Variants in BHMT observed in about 807,000 individuals in gnomAD.
BHMT encodes betaine--homocysteine S-methyltransferase.
Under a neutral mutation model 49.5 loss-of-function variants are expected in BHMT, and 38 were observed. The ratio of observed to expected loss-of-function variants is 0.77; its 90% CI spans 0.59 to 1.01. BHMT has a LOEUF of 1.01. BHMT is among the 50% of genes least tolerant of loss of function. BHMT has a pLI of 0.00. For missense variants in BHMT, 426 were observed against 495.7 expected (o/e 0.86, Z 1.34); for synonymous variants, 166 against 176.3 (o/e 0.94, Z 0.46).
At chr5:79,126,523 C>T (rs1756556244) in intron 6 of BHMT, among the ~76,000 whole-genome samples, 1 of 152,046 alleles carries the variant, frequency 6.6e-6, no homozygotes, top group African/African-American at 2.4e-5. Flanking sequence ...GGTGAGGATG[C>T]CCTTCATGGG....
chr5:79,112,525 G>C (rs1334756153), intron 1 of BHMT, among the ~76,000 whole-genome samples: 3 of 152,210 alleles, frequency 2.0e-5, no homozygotes, highest in African/African-American at 7.2e-5. Flanking sequence ...CCGGGTTCTC[G>C]CTGCACCCAA....
intron 5 of BHMT, among the ~76,000 whole-genome samples, chr5:79,122,231 G>T (rs1295405365): frequency 6.6e-6 from 1 of 152,084 alleles, no homozygotes; most frequent in Non-Finnish European, 1.5e-5. Flanking sequence ...GTGAGCCATT[G>T]CGCCCGGCCT....
intron 4 of BHMT, 51 bp from the exon 5 acceptor site, chr5:79,121,165 AAT>A: frequency 1.3e-6 from 2 of 1,579,704 alleles, no homozygotes; most frequent in South Asian, 1.2e-5. Flanking sequence ...AAAAAAAAAA[AAT>A]TGTTTTGGGA....
rs554339719 is a variant in BHMT at position 79,128,022 on chromosome 5, T to C, written c.1037+39T>C. 8 of 1,568,552 alleles carry C rather than the reference T, an allele frequency of 5.1e-6. No homozygotes were observed. The African/African-American group carries it at 6.8e-5, about 13-fold the overall frequency. The stretch of plus-strand genomic sequence containing the variant: ...TACTAACCCAAACTAATTTAGATTA[T>C]GAATATGTTCAAGTGAGGCCATTTA... On this transcript the variant is annotated intron_variant, in intron 7 of 7. Coordinates refer to ENST00000274353, the MANE Select transcript of BHMT (RefSeq NM_001713.3).
chr5:79,128,529 T>TAAAAA (rs67257787), intron 7 of BHMT, among the ~76,000 whole-genome samples: 29 of 140,134 alleles, frequency 2.1e-4, no homozygotes, highest in South Asian at 6.7e-4. Flanking sequence ...GACCCTGTTT[T>TAAAAA]AAAAAAAAAA....
rs1756380305 is a variant in BHMT at position 79,115,911 on chromosome 5, G to A, written c.166+12G>A. 1 of 1,606,470 alleles carries A rather than the reference G, an allele frequency of 6.2e-7. No homozygotes were observed. The highest frequency in any genetic ancestry group is 1.3e-5 in the African/African-American group (1 of 74,580). ...GCACCCAGAAGCAGGTTGGTGCAGA[G>A]CTCTATTGTAAGTTCTCATAAAGGA... On this transcript the variant is annotated intron_variant, in intron 2 of 7. Transcript: ENST00000274353.
At chr5:79,130,147 C>G (rs1378149286) in intron 7 of BHMT, among the ~76,000 whole-genome samples, 1 of 151,770 alleles carries the variant, frequency 6.6e-6, no homozygotes, top group Non-Finnish European at 1.5e-5. Context: ...GCACTCCAGA[C>G]AGGGTGACAG....
chr5:79,112,756 G>A (rs1580266769), intron 1 of BHMT, among the ~76,000 whole-genome samples: 1 of 152,210 alleles, frequency 6.6e-6, no homozygotes, highest in Admixed American at 6.5e-5. Flanking sequence ...GTGGCTTGTT[G>A]GGAGGGGTAT....
intron 7 of BHMT, among the ~76,000 whole-genome samples, chr5:79,129,139 A>T (rs1756598535): frequency 6.6e-6 from 1 of 152,232 alleles, no homozygotes; most frequent in East Asian, 1.9e-4. Context: ...AACAGAGCAC[A>T]GCTATCTGTC....
chr5:79,120,273 G>C, intron 3 of BHMT, 77 bp from the exon 4 acceptor site: 1 of 1,306,982 alleles, frequency 7.7e-7, no homozygotes, highest in Non-Finnish European at 1.0e-6. Flanking sequence ...ATACAACTAA[G>C]ATGTGAATGT....
intron 7 of BHMT, among the ~76,000 whole-genome samples, chr5:79,128,990 A>G (rs1756596298): frequency 6.6e-6 from 1 of 152,246 alleles, no homozygotes; most frequent in Non-Finnish European, 1.5e-5. Context: ...TCTGCCTAAC[A>G]GAAAGATATT....
chr5:79,113,768 A>T (rs1756343236), intron 1 of BHMT, among the ~76,000 whole-genome samples: 1 of 152,208 alleles, frequency 6.6e-6, no homozygotes, highest in Non-Finnish European at 1.5e-5. Context: ...GCTTGGGAAC[A>T]GAAAATCCTG....
At chr5:79,121,527 A>T (rs543955066) in intron 5 of BHMT, among the ~76,000 whole-genome samples, 162 bp downstream of exon 5, 2 of 152,108 alleles carry the variant, frequency 1.3e-5, no homozygotes, top group South Asian at 2.1e-4. Flanking sequence ...GAAAAGTTTT[A>T]AAAATGGCTG....
At chr5:79,121,936 T>A (rs919732390) in intron 5 of BHMT, among the ~76,000 whole-genome samples, 2 of 151,570 alleles carry the variant, frequency 1.3e-5, no homozygotes, top group Non-Finnish European at 2.9e-5. Context: ...TAAGCAGATA[T>A]CTTGTTTTGT....
intron 1 of BHMT, among the ~76,000 whole-genome samples, chr5:79,115,039 C>T (rs1323956415): frequency 2.0e-5 from 3 of 152,158 alleles, no homozygotes; most frequent in African/African-American, 7.2e-5. Flanking sequence ...TCCTTGTTCT[C>T]ATCATAGAGT....
chr5:79,121,977 T>A (rs1053772855), intron 5 of BHMT, among the ~76,000 whole-genome samples: 2 of 151,828 alleles, frequency 1.3e-5, no homozygotes, highest in South Asian at 2.1e-4. Flanking sequence ...CTTGTCACAC[T>A]GCAGCCCAGG....
At position 79,131,922 on chromosome 5, in the gene BHMT, T is replaced by C. The variant is rs1056013681; in HGVS notation, c.*806T>C. 2 of 152,110 alleles carry C rather than the reference T, an allele frequency of 1.3e-5. No homozygotes were observed. Among genetic ancestry groups the C allele is most frequent in the Admixed American group, 6.5e-5 (1 of 15,270 alleles). The allele number at this position is 152,110 out of a possible 1,614,324, so 9.4% of individuals were successfully genotyped here. On this transcript the variant is annotated 3_prime_UTR_variant, in exon 8 of 8. Coordinates refer to ENST00000274353, the MANE Select transcript of BHMT (RefSeq NM_001713.3). Reference sequence around the variant, plus strand: ...CCAATGGGGAGGAGGGGAGGAGAGATGGATATTTCAGCCCTCTCCATCCTA... The same window carrying C: ...CCAATGGGGAGGAGGGGAGGAGAGACGGATATTTCAGCCCTCTCCATCCTA...
chr5:79,122,045 G>A (rs1367927204), intron 5 of BHMT, among the ~76,000 whole-genome samples: 2 of 151,442 alleles, frequency 1.3e-5, no homozygotes, highest in East Asian at 2.0e-4. Flanking sequence ...AGGTTCAAGC[G>A]ATTCTCCTGC....
chr5:79,111,813 C>T lies in BHMT; in HGVS notation c.-73C>T. ...GGCAGGCTGCGGACTCGGAGCAGCTCGGGGCTGCGCAGCGGGAAGGCTCGC... is the reference window on the plus strand; with the variant it reads ...GGCAGGCTGCGGACTCGGAGCAGCTTGGGGCTGCGCAGCGGGAAGGCTCGC... On this transcript the variant is annotated 5_prime_UTR_variant, in exon 1 of 8. Transcript: ENST00000274353. 1.9e-6 allele frequency: 3 copies of T among 1,592,746 alleles called. No homozygotes were observed. Among genetic ancestry groups the T allele is most frequent in the Middle Eastern group, 1.7e-4 (1 of 5,980 alleles).
Sources: gnomAD v4.1 joint callset for allele counts (sites outside exome capture counted in the v4.1 genomes callset) on GRCh38, gnomAD v4.1.1 for gene constraint, MANE v1.5 for transcripts, NCBI Gene and HGNC (gene_info 2026-07-23, HGNC 2026-07-21) for gene names.